Variants in ABHD17A observed in about 807,000 individuals in gnomAD.
The protein encoded by ABHD17A is abhydrolase domain containing 17A, depalmitoylase, also known as alpha/beta hydrolase domain-containing protein 17A.
In ABHD17A, 10 loss-of-function variants were observed where a neutral mutation model predicts 26.8. That is an observed-to-expected ratio of 0.37 (90% CI 0.23 to 0.63). ABHD17A has a LOEUF of 0.63. ABHD17A is among the 30% of genes least tolerant of loss of function. ABHD17A has a pLI of 0.61. For synonymous variants in ABHD17A, 167 were observed against 210.9 expected (o/e 0.79, Z 1.80); for missense variants, 292 against 457.3 (o/e 0.64, Z 3.30).
Position 1,877,344 on chromosome 19 carries a change from C to G in ABHD17A, c.789G>C (p.Gly263=), listed in dbSNP as rs1168866127. The G allele has an allele frequency of 1.7e-5, 26 of 1,538,048 alleles. No homozygotes were observed. Among genetic ancestry groups the G allele is most frequent in the African/African-American group, 2.7e-5 (2 of 73,644 alleles). ...TEDEVIDFSH[G]LALYERCPKA... ...TGGGGCAGCGCTCGTAGAGCGCCAG[C>G]CCGTGCGAGAAGTCGATCACCTCGT... The change falls in exon 5 of 5, where the codon GGG becomes GGC. Residue 263 remains glycine, a synonymous_variant. Coordinates refer to ENST00000292577, the MANE Select transcript of ABHD17A (RefSeq NM_001130111.2).
chr19:1,881,862 CCCCCGGGAGGCGGGGCAT>C (rs988390594), intron 1 of ABHD17A, 58 bp from the exon 2 acceptor site: 2 of 330,156 alleles, frequency 6.1e-6, no homozygotes, highest in Admixed American at 1.0e-4. Flanking sequence ...CAGCTGGGCA[CCCCCGGGAGGCGGGGCAT>C]CCACCCGTGC....
At chr19:1,881,861 AC>A in intron 1 of ABHD17A, 57 bp from the exon 2 acceptor site, 2 of 323,152 alleles carry the variant, frequency 6.2e-6, no homozygotes, top group Non-Finnish European at 5.6e-6. Flanking sequence ...CCAGCTGGGC[AC>A]CCCCGGGAGG....
chr19:1,877,904 G>A, intron 3 of ABHD17A: 2 of 556,308 alleles, frequency 3.6e-6, no homozygotes, highest in East Asian at 3.2e-5. Context: ...CCCGTTCCCT[G>A]CGCTGCCGTT....
In ABHD17A at chr19:1,885,487, A is replaced by C. The variant is rs2012658879; in HGVS notation, c.-374T>G. 6.6e-6 allele frequency: 1 copy of C among 151,940 alleles called. No individual in the cohort carries two copies. The highest frequency in any genetic ancestry group is 1.5e-5 in the Non-Finnish European group (1 of 68,000). 9.4% of individuals were successfully genotyped at this position (151,940 alleles called of 1,614,324 possible). A position where few individuals can be genotyped will look rare whatever the true frequency, so the allele number is the denominator to read the frequency against. ...CGCCGCAGCTCCCCCCACGGACGGA[A>C]GTGAGCCTCGTTCTCACCACCGCCC... On this transcript the variant is annotated 5_prime_UTR_variant, in exon 1 of 5. Coordinates refer to ENST00000292577, the MANE Select transcript of ABHD17A (RefSeq NM_001130111.2).
rs771489017 is a variant in ABHD17A, at chr19:1,880,878, A to G, written c.332+357T>C. 1.4e-5 allele frequency: 23 copies of G among 1,612,722 alleles called. No homozygotes were observed. The Admixed American group carries it at 3.0e-4, about 21-fold the overall frequency. ...GTAAAGGCTCGCCCTCTGGACTCAGATCTGGTCAGAACCCCACCTGGCGAG... is the reference window on the plus strand; with the variant it reads ...GTAAAGGCTCGCCCTCTGGACTCAGGTCTGGTCAGAACCCCACCTGGCGAG... On this transcript the variant is annotated intron_variant, in intron 2 of 4. Transcript: ENST00000292577. This position sits in a 1 kb window ranked among gnomAD's most constrained non-coding sequence, Gnocchi z 4.1.
chr19:1,880,470 G>A lies in ABHD17A; in HGVS notation c.333-355C>T, dbSNP rs1365530788. Among the ~76,000 whole-genome samples the A allele has an allele frequency of 3.9e-5, 6 of 152,316 alleles. No homozygotes were observed. Among genetic ancestry groups the A allele is most frequent in the African/African-American group, 1.4e-4 (6 of 41,564 alleles). The stretch of plus-strand genomic sequence containing the variant: ...CGCAGTGTGTGCTCAGATACTGCAG[G>A]CTTCACTGCCCTTCCTCCTGGAAGA... On this transcript the variant is annotated intron_variant, in intron 2 of 4. Transcript: ENST00000292577. The surrounding 1 kb of genome is among the most constrained non-coding windows in gnomAD (Gnocchi z 4.1).
chr19:1,880,776 G>A lies in ABHD17A; in HGVS notation c.332+459C>T. ...CGGGAGCTGCCCCAGGTGGTGCCAG[G>A]AGCAGGTGGCCAGGCTGGCCCTGCC... is the stretch of plus-strand genomic sequence containing the variant. On this transcript the variant is annotated intron_variant, in intron 2 of 4. Transcript: ENST00000292577. This position sits in a 1 kb window ranked among gnomAD's most constrained non-coding sequence, Gnocchi z 4.1. 1 of 1,420,442 alleles carries A rather than the reference G, an allele frequency of 7.0e-7. No individual in the cohort carries two copies. The highest frequency in any genetic ancestry group is 2.4e-5 in the East Asian group (1 of 42,014). The allele number at this position is 1,420,442 out of a possible 1,614,324, so 88.0% of individuals were successfully genotyped here.
In ABHD17A at chr19:1,879,704, C is replaced by T. The variant is rs1326434464; in HGVS notation, c.527+217G>A. Reference sequence around the variant, plus strand: ...TCCCAGGGAACCTGGCTCCACAGGCCAGGGTGTGGGAGGACCGCCTGGCCA... The same window carrying T: ...TCCCAGGGAACCTGGCTCCACAGGCTAGGGTGTGGGAGGACCGCCTGGCCA... On this transcript the variant is annotated intron_variant, in intron 3 of 4. Transcript: ENST00000292577. The surrounding 1 kb of genome is among the most constrained non-coding windows in gnomAD (Gnocchi z 7.6). 218 of 582,484 alleles carry T rather than the reference C, an allele frequency of 3.7e-4. 1 individual carries two copies. Among genetic ancestry groups the T allele is most frequent in the South Asian group, 2.3e-3 (115 of 50,278 alleles). The allele number at this position is 582,484 out of a possible 1,614,324, so 36.1% of individuals were successfully genotyped here.
At position 1,880,919 on chromosome 19, in the gene ABHD17A, G is replaced by A. The variant is rs754899665; in HGVS notation, c.332+316C>T. The A allele has an allele frequency of 1.4e-5, 22 of 1,613,030 alleles. No homozygotes were observed. Among genetic ancestry groups the A allele is most frequent in the African/African-American group, 5.3e-5 (4 of 75,052 alleles). On this transcript the variant is annotated intron_variant, in intron 2 of 4. Coordinates refer to ENST00000292577, the MANE Select transcript of ABHD17A (RefSeq NM_001130111.2). The surrounding 1 kb of genome is among the most constrained non-coding windows in gnomAD (Gnocchi z 4.1). ...ACCTGGCGAGAAGGTGGATGTACCC[G>A]CAGGCCAGGGCAGCCCCTGTGCCCC...
At chr19:1,878,882 C>G (rs2012445156) in intron 3 of ABHD17A, 1 of 152,316 alleles carries the variant, frequency 6.6e-6, no homozygotes. Context: ...TGGCCTCCCC[C>G]TCACAGCTCT....
rs1568743033 is a variant in ABHD17A at position 1,880,895 on chromosome 19, C to A, written c.332+340G>T. 2.5e-6 allele frequency: 4 copies of A among 1,613,084 alleles called. No homozygotes were observed. Reference sequence around the variant, plus strand: ...GGACTCAGATCTGGTCAGAACCCCACCTGGCGAGAAGGTGGATGTACCCGC... The same window carrying A: ...GGACTCAGATCTGGTCAGAACCCCAACTGGCGAGAAGGTGGATGTACCCGC... On this transcript the variant is annotated intron_variant, in intron 2 of 4. Transcript: ENST00000292577. This position sits in a 1 kb window ranked among gnomAD's most constrained non-coding sequence, Gnocchi z 4.1.
rs1303848431 is a variant in ABHD17A at position 1,879,875 on chromosome 19, C to T, written c.527+46G>A. 1.9e-6 allele frequency: 3 copies of T among 1,538,822 alleles called. No individual in the cohort carries two copies. The highest frequency in any genetic ancestry group is 3.9e-5 in the Admixed American group (2 of 51,316). ...CGCCCCCCGGCCCCCCGCCTGGTCC[C>T]CTCTTGGGTGTGCCCAGGCTGAGCT... On this transcript the variant is annotated intron_variant, in intron 3 of 4. Transcript: ENST00000292577. This position sits in a 1 kb window ranked among gnomAD's most constrained non-coding sequence, Gnocchi z 7.6.
At chr19:1,877,458 G>T (rs776958156) in intron 4 of ABHD17A, 33 bp from the exon 5 acceptor site, 2 of 1,567,922 alleles carry the variant, frequency 1.3e-6, no homozygotes, top group Admixed American at 3.7e-5. Flanking sequence ...GTGAGACTTC[G>T]CGCCCGGCCC....
At position 1,881,232 on chromosome 19, in the gene ABHD17A, C is replaced by T. The variant is rs1374303967; in HGVS notation, c.332+3G>A. Reference sequence around the variant, plus strand: ...CAGCCCAGGCGCGGCCACAGCTGCTCACCTGGCACCAGGCACGCAGCGAAC... The same window carrying T: ...CAGCCCAGGCGCGGCCACAGCTGCTTACCTGGCACCAGGCACGCAGCGAAC... On this transcript the variant is annotated splice_donor_region_variant and intron_variant, in intron 2 of 4. Transcript: ENST00000292577. 5 of 1,609,230 alleles carry T rather than the reference C, an allele frequency of 3.1e-6. No individual in the cohort carries two copies. Among genetic ancestry groups the T allele is most frequent in the Non-Finnish European group, 4.2e-6 (5 of 1,178,940 alleles).
At position 1,880,232 on chromosome 19, in the gene ABHD17A, C is replaced by T; in HGVS notation, c.333-117G>A. 2.7e-6 allele frequency: 3 copies of T among 1,100,602 alleles called. No homozygotes were observed. Among genetic ancestry groups the T allele is most frequent in the Non-Finnish European group, 4.0e-6 (3 of 758,408 alleles). 68.2% of individuals were successfully genotyped at this position (1,100,602 alleles called of 1,614,324 possible). ...CCAGCCATGCCCAGTGCCTCATTTACTCCCCTCCCAAGGGGGCCAGAAGCC... is the reference window on the plus strand; with the variant it reads ...CCAGCCATGCCCAGTGCCTCATTTATTCCCCTCCCAAGGGGGCCAGAAGCC... On this transcript the variant is annotated intron_variant, in intron 2 of 4. Transcript: ENST00000292577. The surrounding 1 kb of genome is among the most constrained non-coding windows in gnomAD (Gnocchi z 4.1).
At position 1,877,188 on chromosome 19, in the gene ABHD17A, T is replaced by C. The variant is rs1180447338; in HGVS notation, c.*12A>G. On this transcript the variant is annotated 3_prime_UTR_variant, in exon 5 of 5. Coordinates refer to ENST00000292577, the MANE Select transcript of ABHD17A (RefSeq NM_001130111.2). ...CGCCTTATTGCTGAGGTCCGGCCGG[T>C]TGGGGCCGCCGCTAGGCGCGCTGGC... 7 of 1,418,024 alleles carry C rather than the reference T, an allele frequency of 4.9e-6. No homozygotes were observed. Among genetic ancestry groups the C allele is most frequent in the East Asian group, 2.4e-5 (1 of 41,154 alleles). The allele number at this position is 1,418,024 out of a possible 1,614,324, so 87.8% of individuals were successfully genotyped here.
rs1413463378 is a variant in ABHD17A, at chr19:1,877,151, AG to A, written c.*48del. ...CCTGGGTGGGGGCCGGCGCGGGGTG[AG>A]GTCCGGGGGCCGCCTTATTGCTGAG... On this transcript the variant is annotated 3_prime_UTR_variant, in exon 5 of 5. Coordinates refer to ENST00000292577, the MANE Select transcript of ABHD17A (RefSeq NM_001130111.2). 4 of 1,427,256 alleles carry A rather than the reference AG, an allele frequency of 2.8e-6. No homozygotes were observed. In the African/African-American group the frequency reaches 5.7e-5, roughly 20 times the overall value. The allele number at this position is 1,427,256 out of a possible 1,614,324, so 88.4% of individuals were successfully genotyped here. A position where few individuals can be genotyped will look rare whatever the true frequency, so the allele number is the denominator to read the frequency against.
chr19:1,877,212 G>C lies in ABHD17A; in HGVS notation c.921C>G (p.Ser307Arg), dbSNP rs2012383620. Reference sequence around the variant, plus strand: ...GTTGGGGCCGCCGCTAGGCGCGCTGGCTGGGCAGCTCCTGGGAGATGAAGC... The same window carrying C: ...GTTGGGGCCGCCGCTAGGCGCGCTGCCTGGGCAGCTCCTGGGAGATGAAGC... ...LRRFISQELP[S>R]QRA is the part of the protein sequence containing the mutation. Residue 307 changes from serine to arginine, a missense_variant, in exon 5 of 5, where the codon AGC becomes AGG. Physicochemically the swap from Ser to Arg is moderately radical, Grantham distance 110. Transcript: ENST00000292577. The C allele has an allele frequency of 1.4e-6, 2 of 1,473,038 alleles. No homozygotes were observed. The highest frequency in any genetic ancestry group is 1.8e-6 in the Non-Finnish European group (2 of 1,087,616). The allele number at this position is 1,473,038 out of a possible 1,614,324, so 91.2% of individuals were successfully genotyped here. A position where few individuals can be genotyped will look rare whatever the true frequency, so the allele number is the denominator to read the frequency against.
Position 1,880,855 on chromosome 19 carries a change from A to T in ABHD17A, c.332+380T>A. The T allele has an allele frequency of 6.2e-7, 1 of 1,610,338 alleles. No homozygotes were observed. The highest frequency in any genetic ancestry group is 8.5e-7 in the Non-Finnish European group (1 of 1,178,176). The stretch of plus-strand genomic sequence containing the variant: ...CCCCCACCTAGCCCAGCCAGAAGGT[A>T]AAGGCTCGCCCTCTGGACTCAGATC... On this transcript the variant is annotated intron_variant, in intron 2 of 4. Coordinates refer to ENST00000292577, the MANE Select transcript of ABHD17A (RefSeq NM_001130111.2). This position sits in a 1 kb window ranked among gnomAD's most constrained non-coding sequence, Gnocchi z 4.1.
Sources: gnomAD v4.1 joint callset for allele counts (sites outside exome capture counted in the v4.1 genomes callset) on GRCh38, gnomAD v4.1.1 for gene constraint, Gnocchi (gnomAD v3.1) non-coding constraint, MANE v1.5 for transcripts, NCBI Gene and HGNC (gene_info 2026-07-23, HGNC 2026-07-21) for gene names.